The following ZBTB34 variants were observed in gnomAD, a reference collection of about 807,000 sequenced individuals.
ZBTB34 encodes the protein zinc finger and BTB domain containing 34.
ZBTB34 carries 1 observed loss-of-function variant against 33.4 expected under a neutral mutation model. That is an observed-to-expected ratio of 0.03 (90% CI 0.01 to 0.14). The LOEUF (loss-of-function observed/expected upper bound fraction) is 0.14, where lower values mean the gene tolerates loss of function less well. ZBTB34 is among the 10% of genes least tolerant of loss of function. The probability of loss-of-function intolerance (pLI) is 1.00; values close to 1 mark genes in which losing one functional copy is unlikely to be tolerated. For synonymous variants in ZBTB34, 283 were observed against 253.5 expected (o/e 1.12, Z -1.11); for missense variants, 406 against 657.2 (o/e 0.62, Z 4.18).
rs1385739861 is a variant in ZBTB34, at chr9:126,880,731, A to G, written c.1332A>G (p.Gln444=). Residue 444 remains glutamine (Q), a synonymous_variant, in exon 2 of 2, where the codon CAA becomes CAG. Transcript: ENST00000319119. This position sits in a 1 kb window ranked among gnomAD's most constrained non-coding sequence, Gnocchi z 6.7. The stretch of plus-strand genomic sequence containing the variant: ...TCTGCGGGAAGTGCTTTCCATTCCA[A>G]GGTACCCTCAACCAGCACTTGCGGA... 1.5e-5 allele frequency: 25 copies of G among 1,613,720 alleles called. No individual in the cohort carries two copies. The highest frequency in any genetic ancestry group is 1.1e-4 in the East Asian group (5 of 44,900).
chr9:126,875,563 C>T (rs1352949593), intron 1 of ZBTB34, among the ~76,000 whole-genome samples: 1 of 151,908 alleles, frequency 6.6e-6, no homozygotes, highest in Non-Finnish European at 1.5e-5. Context: ...TGCTTATCTT[C>T]CCCCACCCCT....
chr9:126,884,307 T>C (rs530400109), exon 2 of ZBTB34: 1 of 167,180 alleles, frequency 6.0e-6, no homozygotes, highest in East Asian at 1.9e-4. Context: ...ATTTTCATTC[T>C]AATCAGTTCT....
In ZBTB34 at chr9:126,879,531, T is replaced by A. The variant is rs532209962; in HGVS notation, c.132T>A (p.Gly44=). The A allele has an allele frequency of 1.2e-5, 19 of 1,613,874 alleles. No individual in the cohort carries two copies. The East Asian group carries it at 1.8e-4, about 15-fold the overall frequency. The change falls in exon 2 of 2, where the codon GGT becomes GGA. Residue 44 remains glycine, a synonymous_variant. Coordinates refer to ENST00000319119, the Ensembl canonical transcript of ZBTB34. The surrounding 1 kb of genome is among the most constrained non-coding windows in gnomAD (Gnocchi z 6.4). The stretch of plus-strand genomic sequence containing the variant: ...GTGACATCATTGTACACATTCAGGG[T>A]CAGCCATTCCGAGCCCACAAAGCAG...
intron 1 of ZBTB34, 64 bp downstream of exon 1, chr9:126,860,803 G>GCGGGGCAGT (rs1169931693): frequency 2.8e-5 from 4 of 144,830 alleles, no homozygotes; most frequent in African/African-American, 5.0e-5. Context: ...GGCGGGGCAG[G>GCGGGGCAGT]CGGGGCGGGG....
chr9:126,879,417 C>T lies in ZBTB34; in HGVS notation c.18C>T (p.Asp6=). The change falls in exon 2 of 2, where the codon GAC becomes GAT. Residue 6 remains aspartate (D), a synonymous_variant. Coordinates refer to ENST00000319119, the Ensembl canonical transcript of ZBTB34. This position sits in a 1 kb window ranked among gnomAD's most constrained non-coding sequence, Gnocchi z 6.4. ...TACGCTTCATGTCAGTAGAAATGGA[C>T]AGCAGCAGTTTTATTCAGTTTGATG... The T allele has an allele frequency of 6.2e-7, 1 of 1,612,056 alleles. No homozygotes were observed. The highest frequency in any genetic ancestry group is 8.5e-7 in the Non-Finnish European group (1 of 1,178,874).
exon 2 of ZBTB34, chr9:126,883,410 C>CT (rs1439263541): frequency 1.2e-5 from 2 of 167,076 alleles, no homozygotes; most frequent in Non-Finnish European, 2.9e-5. Context: ...TTCCAGCGTC[C>CT]TGGCTCTTGG....
chr9:126,874,596 C>T (rs2119222139), intron 1 of ZBTB34, among the ~76,000 whole-genome samples: 1 of 152,190 alleles, frequency 6.6e-6, no homozygotes, highest in South Asian at 2.1e-4. Flanking sequence ...CAGTAATTCT[C>T]CCCTTTTTAC....
intron 1 of ZBTB34, among the ~76,000 whole-genome samples, chr9:126,876,844 G>A (rs2033369838): frequency 6.6e-6 from 1 of 152,118 alleles, no homozygotes; most frequent in Non-Finnish European, 1.5e-5. Flanking sequence ...GGATAAATAA[G>A]GGCACAGTAT....
At chr9:126,861,284 T>C (rs1054642591) in intron 1 of ZBTB34, among the ~76,000 whole-genome samples, 1 of 152,158 alleles carries the variant, frequency 6.6e-6, no homozygotes, top group African/African-American at 2.4e-5. Flanking sequence ...GACGTCTCCG[T>C]GGCCACTCGC....
chr9:126,875,643 G>C (rs1439736710), intron 1 of ZBTB34, among the ~76,000 whole-genome samples: 4 of 151,968 alleles, frequency 2.6e-5, no homozygotes, highest in Non-Finnish European at 5.9e-5. Context: ...CTGTTTTTAT[G>C]TATAATTTTT....
At position 126,878,833 on chromosome 9, in the gene ZBTB34, C is replaced by G. The variant is rs1019673527; in HGVS notation, c.-10-557C>G. ...CTGCCTTCTGAGGTCAAGCGATTCC[C>G]CTGCTGCAGCCTCCCAAGTAGCTGG... is the stretch of plus-strand genomic sequence containing the variant. On this transcript the variant is annotated intron_variant, in intron 1 of 1. Transcript: ENST00000319119. 3.3e-5 allele frequency among the ~76,000 whole-genome samples: 5 copies of G among 151,686 alleles called. No homozygotes were observed. The East Asian group carries it at 9.7e-4, about 29-fold the overall frequency.
intron 1 of ZBTB34, among the ~76,000 whole-genome samples, chr9:126,869,230 T>C (rs769962412): frequency 1.6e-5 from 2 of 121,214 alleles, no homozygotes; most frequent in Non-Finnish European, 3.2e-5. Context: ...TCCTTGACAC[T>C]GTCCTAGGGC....
At position 126,867,765 on chromosome 9, in the gene ZBTB34, G is replaced by GT. The variant is rs767842030; in HGVS notation, c.-11+7039dup. On this transcript the variant is annotated intron_variant, in intron 1 of 1. Coordinates refer to ENST00000319119, the Ensembl canonical transcript of ZBTB34. ...CACCCATGTTGTCTTTCATTTTTTT[G>GT]TTTTTTTTTTTTTGGTGATAAGTCT... Among the ~76,000 whole-genome samples the GT allele has an allele frequency of 9.5e-3, 1,250 of 131,024 alleles. 11 individuals carry two copies. The highest frequency in any genetic ancestry group is 0.013 in the Non-Finnish European group (780 of 59,926). 86.0% of individuals were successfully genotyped at this position (131,024 alleles called of 152,430 possible). A position where few individuals can be genotyped will look rare whatever the true frequency, so the allele number is the denominator to read the frequency against.
chr9:126,881,322 T>C, exon 2 of ZBTB34: 2 of 167,544 alleles, frequency 1.2e-5, no homozygotes. Flanking sequence ...TGGGTAACCT[T>C]TTCTAATTTA....
At chr9:126,877,602 A>G (rs2119228246) in intron 1 of ZBTB34, among the ~76,000 whole-genome samples, 1 of 152,334 alleles carries the variant, frequency 6.6e-6, no homozygotes, top group Non-Finnish European at 1.5e-5. Context: ...GGCCACAGGA[A>G]GGAAACCTGT....
chr9:126,881,389 TTATA>T (rs1178369078), exon 2 of ZBTB34: 1 of 160,970 alleles, frequency 6.2e-6, no homozygotes, highest in Non-Finnish European at 1.5e-5. Flanking sequence ...AAAACTATTA[TTATA>T]TATATAGTAT....
rs753917211 is a variant in ZBTB34 at position 126,879,952 on chromosome 9, C to G, written c.553C>G (p.Arg185Gly). ...GCAGCCCACCGCAAGCAGTGACCTC[C>G]GGATGGAGACGACCCCCAGCAAAGC... Residue 185 changes from arginine (R) to glycine (G), a missense_variant, in exon 2 of 2, where the codon CGG (arginine) becomes GGG (glycine). Transcript: ENST00000319119. This position sits in a 1 kb window ranked among gnomAD's most constrained non-coding sequence, Gnocchi z 6.4. 9 of 1,613,180 alleles carry G rather than the reference C, an allele frequency of 5.6e-6. No homozygotes were observed. The highest frequency in any genetic ancestry group is 5.9e-6 in the Non-Finnish European group (7 of 1,179,896).
chr9:126,876,857 C>G (rs2074537880), intron 1 of ZBTB34, among the ~76,000 whole-genome samples: 1 of 152,086 alleles, frequency 6.6e-6, no homozygotes, highest in Admixed American at 6.6e-5. Flanking sequence ...CACAGTATTC[C>G]TCTTCGACTA....
At chr9:126,868,064 C>G (rs570763355) in intron 1 of ZBTB34, among the ~76,000 whole-genome samples, 1 of 152,264 alleles carries the variant, frequency 6.6e-6, no homozygotes, top group South Asian at 2.1e-4. Context: ...TTTCTGTTCA[C>G]CCTTCTCAGC....
Sources: allele counts gnomAD v4.1 joint callset (sites outside exome capture counted in the v4.1 genomes callset), GRCh38; gene constraint gnomAD v4.1.1; non-coding constraint Gnocchi (gnomAD v3.1); transcripts MANE v1.5; gene names NCBI Gene and HGNC (gene_info 2026-07-23, HGNC 2026-07-21).